Variants in CNN3 observed in about 807,000 individuals in gnomAD.
CNN3 encodes the protein calponin-3.
CNN3 carries 11 observed loss-of-function variants against 39.0 expected under a neutral mutation model. The observed-to-expected ratio is 0.28, with a 90% CI of 0.18 to 0.47. The LOEUF (loss-of-function observed/expected upper bound fraction) is 0.47, where lower values mean the gene tolerates loss of function less well. Ranked by LOEUF, CNN3 falls within the 20% of genes least tolerant of loss-of-function variation. The pLI, the probability that CNN3 is intolerant of heterozygous loss-of-function variation, is 0.99. For synonymous variants in CNN3, 101 were observed against 138.3 expected, an observed-to-expected ratio of 0.73 and a Z score of 1.89; for missense variants, 266 against 403.4, an observed-to-expected ratio of 0.66 and a Z score of 2.92.
intron 5 of CNN3, 94 bp downstream of exon 5, chr1:94,901,575 C>G (rs1670869746): frequency 7.5e-6 from 6 of 795,722 alleles, no homozygotes; most frequent in Admixed American, 2.0e-5. Context: ...TACTATAGTA[C>G]TTCTGTCTAT....
intron 3 of CNN3, 77 bp from the exon 4 acceptor site, chr1:94,902,335 T>A: frequency 1.5e-6 from 2 of 1,328,618 alleles, no homozygotes; most frequent in Non-Finnish European, 2.1e-6. Context: ...CAAGTCTTCA[T>A]AAACAGTTAT....
At chr1:94,917,574 G>A (rs759553234) in intron 1 of CNN3, among the ~76,000 whole-genome samples, 2 of 152,070 alleles carry the variant, frequency 1.3e-5, no homozygotes, top group Non-Finnish European at 2.9e-5. Context: ...TTTTTTTGGA[G>A]AGCAATTTGG....
At chr1:94,921,545 A>C (rs1671444466) in intron 1 of CNN3, among the ~76,000 whole-genome samples, 1 of 152,202 alleles carries the variant, frequency 6.6e-6, no homozygotes, top group South Asian at 2.1e-4. Flanking sequence ...TACACTGTTA[A>C]AGAGGGAAAG....
chr1:94,901,994 A>G, intron 4 of CNN3, 127 bp downstream of exon 4: 4 of 839,406 alleles, frequency 4.8e-6, no homozygotes, highest in Non-Finnish European at 7.8e-6. Context: ...CCTTTCCACA[A>G]AGCTACTAAT....
intron 1 of CNN3, among the ~76,000 whole-genome samples, chr1:94,918,221 AGTGGCTCATGCCT>A (rs1671336507): frequency 6.6e-6 from 1 of 152,186 alleles, no homozygotes; most frequent in Non-Finnish European, 1.5e-5. Flanking sequence ...GGCCGGGCAC[AGTGGCTCATGCCT>A]GTAATCCCAG....
rs1187717922 is a variant in CNN3, at chr1:94,926,086, C to G, written c.57+752G>C. The stretch of plus-strand genomic sequence containing the variant: ...GCCGCCTCAGCAAACAAGCCCCAAA[C>G]AAAAGCAACCCACAAAAATAATCCT... On this transcript the variant is annotated intron_variant, in intron 1 of 6. Transcript: ENST00000370206. This position sits in a 1 kb window ranked among gnomAD's most constrained non-coding sequence, Gnocchi z 4.2. 2.0e-5 allele frequency among the ~76,000 whole-genome samples: 3 copies of G among 152,216 alleles called. No homozygotes were observed. Among genetic ancestry groups the G allele is most frequent in the African/African-American group, 7.2e-5 (3 of 41,452 alleles).
intron 6 of CNN3, among the ~76,000 whole-genome samples, chr1:94,898,647 T>G (rs1670784663): frequency 6.6e-6 from 1 of 152,202 alleles, no homozygotes; most frequent in Non-Finnish European, 1.5e-5. Flanking sequence ...TAACTCATAC[T>G]TCATCTCTCT....
In CNN3 at chr1:94,897,929, T is replaced by C. The variant is rs1312025018; in HGVS notation, c.803A>G (p.Tyr268Cys). Residue 268 changes from tyrosine to cysteine, a missense_variant, in exon 7 of 7, where the codon TAT (tyrosine) becomes TGT (cysteine). Physicochemically the swap from Tyr to Cys is radical, Grantham distance 194. Coordinates refer to ENST00000370206, the MANE Select transcript of CNN3 (RefSeq NM_001839.5). ...MSVYGLGRQV[Y>C]DPKYCAAPTE... ...AGGAGCAGCACAGTATTTGGGATCA[T>C]ATACTTGCCGCCCAAGCCCATACAC... 1.2e-6 allele frequency: 2 copies of C among 1,614,008 alleles called. No individual in the cohort carries two copies. The highest frequency in any genetic ancestry group is 1.7e-6 in the Non-Finnish European group (2 of 1,180,004).
intron 5 of CNN3, 101 bp downstream of exon 5, chr1:94,901,568 T>G: frequency 2.7e-6 from 2 of 745,040 alleles, no homozygotes; most frequent in East Asian, 2.7e-5. Context: ...CCCCCAGTAC[T>G]ATAGTACTTC....
intron 1 of CNN3, among the ~76,000 whole-genome samples, chr1:94,921,070 T>A (rs1360242082): frequency 6.6e-6 from 1 of 152,208 alleles, no homozygotes; most frequent in Non-Finnish European, 1.5e-5. Flanking sequence ...AGGACAAGCT[T>A]TCTCCAACCA....
At chr1:94,920,862 C>T (rs972649151) in intron 1 of CNN3, among the ~76,000 whole-genome samples, 5 of 152,130 alleles carry the variant, frequency 3.3e-5, no homozygotes, top group South Asian at 2.1e-4. Context: ...GTATAAACTT[C>T]GTCCCCACAA....
chr1:94,901,597 G>T, intron 5 of CNN3, 72 bp downstream of exon 5: 1 of 1,050,944 alleles, frequency 9.5e-7, no homozygotes, highest in Non-Finnish European at 1.5e-6. Context: ...CTTAGGAGAG[G>T]CTTAATATTT....
At chr1:94,911,360 G>A (rs1407304117) in intron 1 of CNN3, among the ~76,000 whole-genome samples, 1 of 152,234 alleles carries the variant, frequency 6.6e-6, no homozygotes, top group Non-Finnish European at 1.5e-5. Flanking sequence ...TGTGTCTTCA[G>A]ATCAAGGTAT....
At chr1:94,907,831 G>A (rs1323316680) in intron 1 of CNN3, among the ~76,000 whole-genome samples, 1 of 152,230 alleles carries the variant, frequency 6.6e-6, no homozygotes, top group East Asian at 1.9e-4. Context: ...CTGCACTGCA[G>A]CCTGGGCAAC....
In CNN3 at chr1:94,927,027, G is replaced by C; in HGVS notation, c.-133C>G. 1 of 976,482 alleles carries C rather than the reference G, an allele frequency of 1.0e-6. No individual in the cohort carries two copies. Among genetic ancestry groups the C allele is most frequent in the Non-Finnish European group, 1.5e-6 (1 of 665,456 alleles). 60.5% of individuals were successfully genotyped at this position (976,482 alleles called of 1,614,324 possible). On this transcript the variant is annotated 5_prime_UTR_variant, in exon 1 of 7. Transcript: ENST00000370206. ...CCCTCCTCTGGGAGGCGCAGGAGACGGCCGCGGGGCGCGGGCGGTGCCTGG... is the reference window on the plus strand; with the variant it reads ...CCCTCCTCTGGGAGGCGCAGGAGACCGCCGCGGGGCGCGGGCGGTGCCTGG...
rs192150651 is a variant in CNN3, at chr1:94,905,137, A to G, written c.58-1613T>C. On this transcript the variant is annotated intron_variant, in intron 1 of 6. Coordinates refer to ENST00000370206, the MANE Select transcript of CNN3 (RefSeq NM_001839.5). ...CCTTTCCAAGGGAGAGAGCCTGATC[A>G]CCAGGATCAGGACAGACATTTACGA... is the stretch of plus-strand genomic sequence containing the variant. 2.8e-3 allele frequency among the ~76,000 whole-genome samples: 431 copies of G among 152,286 alleles called. 3 individuals carry two copies. Among genetic ancestry groups the G allele is most frequent in the South Asian group, 8.3e-3 (40 of 4,820 alleles).
Position 94,899,446 on chromosome 1 carries a change from G to A in CNN3, c.573C>T (p.Pro191=), listed in dbSNP as rs1357413083. 1.2e-6 allele frequency: 2 copies of A among 1,613,998 alleles called. No individual in the cohort carries two copies. The highest frequency in any genetic ancestry group is 4.5e-5 in the East Asian group (2 of 44,874). The change falls in exon 6 of 7, where the codon CCC becomes CCT. Residue 191 remains proline, a synonymous_variant. Transcript: ENST00000370206. The part of the protein sequence containing the change: ...AYGTRRHLYD[P]KMQTDKPFDQ... ...CAAAAGGTTTGTCAGTTTGCATTTT[G>A]GGATCATAAAGATGCCTCCTAGTCC...
intron 1 of CNN3, among the ~76,000 whole-genome samples, chr1:94,922,043 A>AT (rs1429644619): frequency 6.6e-6 from 1 of 152,172 alleles, no homozygotes; most frequent in African/African-American, 2.4e-5. Context: ...CCCAGTCAAA[A>AT]TATCTATCTT....
chr1:94,912,473 A>G (rs1202050675), intron 1 of CNN3, among the ~76,000 whole-genome samples: 1 of 152,122 alleles, frequency 6.6e-6, no homozygotes, highest in African/African-American at 2.4e-5. Context: ...GCGCCCTCCT[A>G]GAGTGGACTC....
Sources: allele counts gnomAD v4.1 joint callset (sites outside exome capture counted in the v4.1 genomes callset), GRCh38; gene constraint gnomAD v4.1.1; non-coding constraint Gnocchi (gnomAD v3.1); transcripts MANE v1.5; gene names NCBI Gene and HGNC (gene_info 2026-07-23, HGNC 2026-07-21).